RIMS2: variants seen among roughly 807,000 people sequenced by gnomAD.
The protein encoded by RIMS2 is regulating synaptic membrane exocytosis 2.
Under a neutral mutation model 174.4 loss-of-function variants are expected in RIMS2, and 59 were observed. That is an observed-to-expected ratio of 0.34 (90% CI 0.27 to 0.42). The LOEUF (loss-of-function observed/expected upper bound fraction) is 0.42. RIMS2 is among the 10% of genes least tolerant of loss of function. RIMS2 has a pLI of 1.00. For synonymous variants in RIMS2, 606 were observed against 572.5 expected (o/e 1.06, Z -0.84); for missense variants, 1,620 against 1,666.3 (o/e 0.97, Z 0.48).
chr8:103,793,789 C>G (rs1328793551), intron 3 of RIMS2, among the ~76,000 whole-genome samples: 3 of 152,084 alleles, frequency 2.0e-5, no homozygotes, highest in African/African-American at 4.8e-5. Context: ...ACACCAATAA[C>G]AGACAAACAG....
At chr8:104,029,297 C>T (rs2096332556) in intron 19 of RIMS2, among the ~76,000 whole-genome samples, 2 of 152,114 alleles carry the variant, frequency 1.3e-5, no homozygotes, top group African/African-American at 4.8e-5. Flanking sequence ...CTTAGAATGC[C>T]TAACATCCTG....
chr8:103,775,637 G>A (rs115957813), intron 3 of RIMS2, among the ~76,000 whole-genome samples: 2,214 of 152,108 alleles, frequency 0.015, 50 homozygotes, highest in African/African-American at 0.051. Flanking sequence ...CTTTTCTGTA[G>A]CATTTTTATC....
At chr8:103,813,527 T>C (rs1159568872) in intron 3 of RIMS2, among the ~76,000 whole-genome samples, 1 of 152,106 alleles carries the variant, frequency 6.6e-6, no homozygotes, top group East Asian at 1.9e-4. Context: ...ACATTAGGTG[T>C]ATCTCCTAAT....
rs538601701 is a variant in RIMS2 at position 103,771,916 on chromosome 8, C to T, written c.698+5379C>T. 4.3e-4 allele frequency among the ~76,000 whole-genome samples: 65 copies of T among 151,964 alleles called. 2 individuals are homozygous for T. The South Asian group carries it at 0.011, about 26-fold the overall frequency. On this transcript the variant is annotated intron_variant, in intron 3 of 23. Transcript: ENST00000504942. ...CTACATTTTTCTGCTTAAATGATGACGCTTAATGAAAATACCAAGGGTAAT... is the reference window on the plus strand; with the variant it reads ...CTACATTTTTCTGCTTAAATGATGATGCTTAATGAAAATACCAAGGGTAAT...
chr8:103,552,858 C>T (rs1357908221), intron 1 of RIMS2, among the ~76,000 whole-genome samples: 1 of 152,176 alleles, frequency 6.6e-6, no homozygotes. Context: ...CTCATCATTA[C>T]TGGCCATCAG....
At chr8:104,245,405 A>G (rs1359896811) in intron 20 of RIMS2, among the ~76,000 whole-genome samples, 1 of 152,262 alleles carries the variant, frequency 6.6e-6, no homozygotes, top group Non-Finnish European at 1.5e-5. Context: ...GAACAATGCT[A>G]GTTTTAAGAA....
At chr8:103,587,050 A>C (rs1347887078) in intron 1 of RIMS2, among the ~76,000 whole-genome samples, 1 of 152,044 alleles carries the variant, frequency 6.6e-6, no homozygotes, top group Non-Finnish European at 1.5e-5. Context: ...TGAATGAAAA[A>C]ACAAGATCCA....
intron 19 of RIMS2, among the ~76,000 whole-genome samples, chr8:104,033,767 T>C (rs1292908847): frequency 3.3e-5 from 5 of 152,090 alleles, no homozygotes; most frequent in East Asian, 3.8e-4. Flanking sequence ...TATTCTTATC[T>C]GTTTGTTTCT....
chr8:103,604,144 A>G (rs1383876504), intron 1 of RIMS2, among the ~76,000 whole-genome samples: 1 of 149,726 alleles, frequency 6.7e-6, no homozygotes, highest in Non-Finnish European at 1.5e-5. Context: ...CTAACGTTTA[A>G]GTCTTTAATC....
rs113902400 is a variant in RIMS2 at position 104,182,379 on chromosome 8, G to GATTA, written c.3335-62534_3335-62533insAATT. 5.9e-3 allele frequency among the ~76,000 whole-genome samples: 900 copies of GATTA among 151,770 alleles called. 7 individuals carry two copies. Among genetic ancestry groups the GATTA allele is most frequent in the African/African-American group, 0.02 (832 of 41,432 alleles). On this transcript the variant is annotated intron_variant, in intron 19 of 23. Transcript: ENST00000504942. ...ATCTTATTTTTAACAGCTTTATTGA[G>GATTA]ATTCATACAGCACATATCTGCATAT... is the stretch of plus-strand genomic sequence containing the variant.
intron 19 of RIMS2, among the ~76,000 whole-genome samples, chr8:104,114,993 C>G (rs1486522948): frequency 6.6e-6 from 1 of 151,968 alleles, no homozygotes; most frequent in Non-Finnish European, 1.5e-5. Flanking sequence ...GATGCATTGT[C>G]TCAGAATATT....
In RIMS2 at chr8:103,837,099, T is replaced by C. The variant is rs546896736; in HGVS notation, c.699-48199T>C. 5.3e-5 allele frequency among the ~76,000 whole-genome samples: 8 copies of C among 152,354 alleles called. No homozygotes were observed. The East Asian group carries it at 1.5e-3, about 29-fold the overall frequency. On this transcript the variant is annotated intron_variant, in intron 3 of 23. Transcript: ENST00000504942. ...AGTTGTCTATTGTTGTCTAATAAAT[T>C]ACCATAGCTTAGTGGGTTAAAACAC...
At chr8:104,251,602 A>G (rs770949282) in exon 24 of RIMS2, 14 of 1,572,766 alleles carry the variant, frequency 8.9e-6, no homozygotes, top group Non-Finnish European at 1.2e-5. Context: ...TTGCCAACAG[A>G]TCATCGTCTG....
At chr8:104,192,354 T>C (rs1301433545) in intron 19 of RIMS2, among the ~76,000 whole-genome samples, 1 of 152,146 alleles carries the variant, frequency 6.6e-6, no homozygotes, top group African/African-American at 2.4e-5. Flanking sequence ...ACTGACAGCA[T>C]TTGTGGCTAA....
chr8:103,752,354 C>G (rs551787799), intron 2 of RIMS2, among the ~76,000 whole-genome samples: 2 of 152,244 alleles, frequency 1.3e-5, no homozygotes, highest in South Asian at 4.1e-4. Flanking sequence ...GTTACTGTAG[C>G]CTTCTAGTAT....
At chr8:103,858,108 T>C (rs2099037839) in intron 3 of RIMS2, among the ~76,000 whole-genome samples, 1 of 152,196 alleles carries the variant, frequency 6.6e-6, no homozygotes, top group African/African-American at 2.4e-5. Flanking sequence ...CTGTTTAAAA[T>C]GTTTTATAGA....
intron 3 of RIMS2, among the ~76,000 whole-genome samples, chr8:103,818,241 G>A (rs2098730325): frequency 6.6e-6 from 1 of 152,112 alleles, no homozygotes; most frequent in Admixed American, 6.6e-5. Context: ...AGGGCAAAGA[G>A]TTAAGGTCAA....
intron 19 of RIMS2, among the ~76,000 whole-genome samples, chr8:104,118,744 G>A (rs1479300324): frequency 6.6e-6 from 1 of 152,150 alleles, no homozygotes; most frequent in African/African-American, 2.4e-5. Flanking sequence ...TTAAAAAAGA[G>A]AAATTTATTT....
chr8:103,870,555 G>A (rs1346065883), intron 3 of RIMS2, among the ~76,000 whole-genome samples: 1 of 151,686 alleles, frequency 6.6e-6, no homozygotes, highest in Non-Finnish European at 1.5e-5. Context: ...TTTCTGTTCA[G>A]TGTTGTTTAT....
Sources: gnomAD v4.1 joint callset for allele counts (sites outside exome capture counted in the v4.1 genomes callset) on GRCh38, gnomAD v4.1.1 for gene constraint, MANE v1.5 for transcripts, NCBI Gene and HGNC (gene_info 2026-07-23, HGNC 2026-07-21) for gene names.